The following GTF2E2 variants were observed in gnomAD, a reference collection of about 807,000 sequenced individuals.
GTF2E2 encodes transcription initiation factor IIE subunit beta.
Under a neutral mutation model 40.5 loss-of-function variants are expected in GTF2E2, and 21 were observed. The ratio of observed to expected loss-of-function variants is 0.52; its 90% CI spans 0.37 to 0.75. GTF2E2 has a LOEUF of 0.75. GTF2E2 is among the 30% of genes least tolerant of loss of function. The pLI is 0.00. For missense variants in GTF2E2, 298 were observed against 338.4 expected (o/e 0.88, Z 0.94); for synonymous variants, 117 against 121.6 (o/e 0.96, Z 0.25).
intron 6 of GTF2E2, among the ~76,000 whole-genome samples, chr8:30,602,046 C>T (rs976067099): frequency 4.7e-5 from 7 of 148,336 alleles, no homozygotes; most frequent in African/African-American, 1.5e-4. Context: ...GAGACAGAGC[C>T]TTGCTCTGTT....
intron 3 of GTF2E2, among the ~76,000 whole-genome samples, chr8:30,626,543 A>T (rs1382303874): frequency 6.6e-6 from 1 of 152,216 alleles, no homozygotes. Flanking sequence ...CAACTTTCTC[A>T]GTTACTATTC....
intron 3 of GTF2E2, among the ~76,000 whole-genome samples, chr8:30,622,702 G>A (rs535102887): frequency 1.9e-4 from 29 of 152,002 alleles, no homozygotes; most frequent in African/African-American, 6.0e-4. Context: ...CAGGGGGGCC[G>A]TCTACAGACC....
At chr8:30,618,388 G>A (rs1342521662) in intron 3 of GTF2E2, among the ~76,000 whole-genome samples, 1 of 152,026 alleles carries the variant, frequency 6.6e-6, no homozygotes, top group East Asian at 1.9e-4. Flanking sequence ...TGGCTCCTTC[G>A]CTTCATGTCA....
intron 5 of GTF2E2, among the ~76,000 whole-genome samples, chr8:30,608,964 C>T (rs865812235): frequency 3.6e-4 from 55 of 152,204 alleles, no homozygotes; most frequent in Middle Eastern, 3.4e-3. Flanking sequence ...TTAGCCAGGA[C>T]GGTCTCAATC....
chr8:30,648,637 A>C (rs1284002513), intron 2 of GTF2E2, among the ~76,000 whole-genome samples: 5 of 152,232 alleles, frequency 3.3e-5, no homozygotes, highest in African/African-American at 1.2e-4. Context: ...TGTCACCTTC[A>C]GGCCACAGCA....
rs1303989287 is a variant in GTF2E2, at chr8:30,578,866, G to C, written c.*55C>G. 37 of 893,244 alleles carry C rather than the reference G, an allele frequency of 4.1e-5. No homozygotes were observed. The East Asian group carries it at 7.9e-4, about 19-fold the overall frequency. The allele number at this position is 893,244 out of a possible 1,614,324, so 55.3% of individuals were successfully genotyped here. A position where few individuals can be genotyped will look rare whatever the true frequency, so the allele number is the denominator to read the frequency against. ...GACAGTCTTCAGACCCCGAGCATCA[G>C]CAAGAACACTCTTGATTGTGTATCT... On this transcript the variant is annotated 3_prime_UTR_variant, in exon 8 of 8. Transcript: ENST00000355904.
intron 6 of GTF2E2, among the ~76,000 whole-genome samples, chr8:30,580,950 G>C (rs1047513752): frequency 6.6e-6 from 1 of 152,180 alleles, no homozygotes; most frequent in Admixed American, 6.5e-5. Flanking sequence ...CCTCCTCTCT[G>C]TAATACAAGG....
At chr8:30,649,594 C>T (rs957161123) in intron 2 of GTF2E2, among the ~76,000 whole-genome samples, 2 of 152,150 alleles carry the variant, frequency 1.3e-5, no homozygotes, top group Admixed American at 1.3e-4. Context: ...CCTGTAATCC[C>T]AGCACTTTGG....
intron 6 of GTF2E2, among the ~76,000 whole-genome samples, chr8:30,590,880 A>G (rs538568694): frequency 7.9e-5 from 12 of 152,116 alleles, no homozygotes; most frequent in African/African-American, 2.7e-4. Context: ...TAGTAGAGAC[A>G]GGGTTTTGCC....
At chr8:30,641,676 A>G (rs1033305794) in intron 2 of GTF2E2, among the ~76,000 whole-genome samples, 5 of 152,200 alleles carry the variant, frequency 3.3e-5, no homozygotes, top group African/African-American at 9.7e-5. Context: ...CAGGGGTTCA[A>G]GACCACCCTG....
At chr8:30,647,051 A>G (rs1802111385) in intron 2 of GTF2E2, among the ~76,000 whole-genome samples, 1 of 151,662 alleles carries the variant, frequency 6.6e-6, no homozygotes, top group South Asian at 2.1e-4. Context: ...AAAAGTAAAA[A>G]ATAAATTCAC....
At position 30,580,335 on chromosome 8, in the gene GTF2E2, T is replaced by G; in HGVS notation, c.705A>C (p.Glu235Asp). The G allele has an allele frequency of 6.2e-7, 1 of 1,611,532 alleles. No individual in the cohort carries two copies. The highest frequency in any genetic ancestry group is 2.2e-5 in the East Asian group (1 of 44,876). The change falls in exon 7 of 8, where the codon GAA (glutamate) becomes GAC (aspartate). Residue 235 changes from glutamate (E) to aspartate (D), a missense_variant. Transcript: ENST00000355904. ...VDSMDEEKIE[E>D]YLKRQGISSM... is the part of the protein sequence containing the mutation. ...AAGAAATACCCTGTCGCTTCAGATA[T>G]TCTTCAATTTTCTCCTCGTCCATGG...
intron 6 of GTF2E2, among the ~76,000 whole-genome samples, chr8:30,589,589 C>T (rs776673839): frequency 2.0e-5 from 3 of 152,202 alleles, no homozygotes; most frequent in Non-Finnish European, 4.4e-5. Flanking sequence ...TTAAGTATAA[C>T]TTAAGCAGGC....
chr8:30,603,602 C>A (rs1408530225), intron 6 of GTF2E2, among the ~76,000 whole-genome samples: 1 of 151,986 alleles, frequency 6.6e-6, no homozygotes, highest in Non-Finnish European at 1.5e-5. Context: ...CTGCCAAGAA[C>A]GTTTATAAAC....
chr8:30,579,083 G>C, intron 7 of GTF2E2, 46 bp from the exon 8 acceptor site: 1 of 986,328 alleles, frequency 1.0e-6, no homozygotes, highest in Non-Finnish European at 1.6e-6. Flanking sequence ...CTGCTCTGAG[G>C]GGTGGTGTGG....
At chr8:30,627,576 C>G (rs1213855365) in intron 3 of GTF2E2, among the ~76,000 whole-genome samples, 1 of 151,814 alleles carries the variant, frequency 6.6e-6, no homozygotes, top group Non-Finnish European at 1.5e-5. Context: ...CACCTATAAT[C>G]CCAGCACTTT....
At chr8:30,613,530 T>C (rs1240640808) in intron 4 of GTF2E2, among the ~76,000 whole-genome samples, 1 of 152,092 alleles carries the variant, frequency 6.6e-6, no homozygotes, top group Non-Finnish European at 1.5e-5. Context: ...AAAGGGAGAA[T>C]AGAATAGTAA....
chr8:30,635,841 C>A (rs1416599586), intron 2 of GTF2E2, among the ~76,000 whole-genome samples: 1 of 152,064 alleles, frequency 6.6e-6, no homozygotes, highest in African/African-American at 2.4e-5. Context: ...GTTCAATATA[C>A]CACTTTTTAC....
intron 2 of GTF2E2, among the ~76,000 whole-genome samples, chr8:30,637,780 C>T (rs1801658988): frequency 6.6e-6 from 1 of 152,316 alleles, no homozygotes; most frequent in South Asian, 2.1e-4. Flanking sequence ...CTCAGCCTCT[C>T]AAAGTGCTGG....
Sources: gnomAD v4.1 joint callset for allele counts (sites outside exome capture counted in the v4.1 genomes callset) on GRCh38, gnomAD v4.1.1 for gene constraint, MANE v1.5 for transcripts, NCBI Gene and HGNC (gene_info 2026-07-23, HGNC 2026-07-21) for gene names.